Variants in MBNL2 observed in about 807,000 individuals in gnomAD.
MBNL2 encodes muscleblind-like protein 2.
MBNL2 carries 17 observed loss-of-function variants against 41.9 expected under a neutral mutation model. The ratio of observed to expected loss-of-function variants is 0.41; its 90% CI spans 0.28 to 0.61. The LOEUF is 0.61. Ranked by LOEUF, MBNL2 falls within the 20% of genes least tolerant of loss-of-function variation. The pLI is 0.35. For synonymous variants in MBNL2, 195 were observed against 182.9 expected (o/e 1.07, Z -0.53); for missense variants, 336 against 505.6 (o/e 0.66, Z 3.22).
chr13:97,210,085 C>A, the MBNL2 span, among the ~76,000 whole-genome samples: 1 of 152,174 alleles, frequency 6.6e-6, no homozygotes, highest in Non-Finnish European at 1.5e-5. Flanking sequence ...CATGAACCAC[C>A]ACACCTGGCC....
At chr13:97,232,960 A>G (rs2042609633) in intron 1 of MBNL2, among the ~76,000 whole-genome samples, 1 of 150,724 alleles carries the variant, frequency 6.6e-6, no homozygotes, top group African/African-American at 2.5e-5. Context: ...AATAGATACC[A>G]TAGGTAAAAG....
At chr13:97,359,823 A>G (rs1390440893) in intron 7 of MBNL2, among the ~76,000 whole-genome samples, 1 of 152,210 alleles carries the variant, frequency 6.6e-6, no homozygotes, top group South Asian at 2.1e-4. Context: ...GTGTTCTGAA[A>G]TGGTATTTCA....
chr13:97,282,729 T>C (rs571005208), intron 2 of MBNL2, among the ~76,000 whole-genome samples: 3 of 152,226 alleles, frequency 2.0e-5, no homozygotes, highest in Admixed American at 2.0e-4. Flanking sequence ...CTGTTCTGGG[T>C]ATATCAACCA....
chr13:97,293,227 A>G (rs1389593605), intron 2 of MBNL2, among the ~76,000 whole-genome samples: 1 of 152,110 alleles, frequency 6.6e-6, no homozygotes, highest in Non-Finnish European at 1.5e-5. Flanking sequence ...GCTGTATCTT[A>G]TAGATTTTTG....
chr13:97,367,608 T>C (rs746758341), intron 8 of MBNL2, among the ~76,000 whole-genome samples: 83 of 152,168 alleles, frequency 5.5e-4, no homozygotes, highest in Non-Finnish European at 9.7e-4. Flanking sequence ...ATTCCAGCTC[T>C]GCAGATTTCA....
At chr13:97,317,815 A>G (rs920850722) in intron 2 of MBNL2, among the ~76,000 whole-genome samples, 2 of 152,260 alleles carry the variant, frequency 1.3e-5, no homozygotes, top group African/African-American at 4.8e-5. Flanking sequence ...TGTATGATTT[A>G]TGAAACATTA....
At chr13:97,348,006 C>T (rs1480890065) in intron 5 of MBNL2, among the ~76,000 whole-genome samples, 1 of 151,892 alleles carries the variant, frequency 6.6e-6, no homozygotes, top group Non-Finnish European at 1.5e-5. Flanking sequence ...TCTGACCTGA[C>T]ATCTGTCCCT....
the MBNL2 span, among the ~76,000 whole-genome samples, chr13:97,170,432 A>G: frequency 6.6e-6 from 1 of 152,182 alleles, no homozygotes; most frequent in Non-Finnish European, 1.5e-5. Flanking sequence ...CTGTAGAGAG[A>G]GTTTAATTGA....
chr13:97,246,373 T>C (rs1349290837), intron 1 of MBNL2, among the ~76,000 whole-genome samples: 2 of 152,186 alleles, frequency 1.3e-5, no homozygotes, highest in African/African-American at 4.8e-5. Context: ...TTTGCCTTTT[T>C]ATTTCAAAAA....
intron 2 of MBNL2, among the ~76,000 whole-genome samples, chr13:97,288,165 C>A (rs187511099): frequency 6.7e-6 from 1 of 150,028 alleles, no homozygotes; most frequent in African/African-American, 2.5e-5. Flanking sequence ...AAAAAATAAA[C>A]GGGCAACTCT....
chr13:97,288,161 T>C (rs1192570254), intron 2 of MBNL2, among the ~76,000 whole-genome samples: 1 of 150,838 alleles, frequency 6.6e-6, no homozygotes, highest in Admixed American at 6.6e-5. Context: ...AAAGAAAAAA[T>C]AAACGGGCAA....
intron 8 of MBNL2, among the ~76,000 whole-genome samples, chr13:97,368,938 T>G (rs1443428838): frequency 6.6e-6 from 1 of 152,214 alleles, no homozygotes; most frequent in Non-Finnish European, 1.5e-5. Context: ...GCTTCAAGAA[T>G]CCTATATTCA....
chr13:97,221,154 G>C (rs2040823158), upstream of MBNL2, among the ~76,000 whole-genome samples: 1 of 152,288 alleles, frequency 6.6e-6, no homozygotes, highest in South Asian at 2.1e-4. Flanking sequence ...CATTACAGAT[G>C]CGCTGAACAG....
At chr13:97,310,125 C>T (rs1403458501) in intron 2 of MBNL2, among the ~76,000 whole-genome samples, 3 of 152,170 alleles carry the variant, frequency 2.0e-5, no homozygotes, top group Non-Finnish European at 4.4e-5. Flanking sequence ...AAATAACCAG[C>T]TTCTCATGCT....
chr13:97,267,170 G>A (rs1393106844), intron 1 of MBNL2, among the ~76,000 whole-genome samples: 3 of 152,202 alleles, frequency 2.0e-5, no homozygotes, highest in Admixed American at 1.3e-4. Flanking sequence ...TCTGAGAGGC[G>A]TGGAATGGAG....
At chr13:97,180,695 TG>T in the MBNL2 span, among the ~76,000 whole-genome samples, 1 of 138,056 alleles carries the variant, frequency 7.2e-6, no homozygotes, top group Non-Finnish European at 1.5e-5. Flanking sequence ...TGAGCCGAGA[TG>T]GCACCACTGC....
the MBNL2 span, among the ~76,000 whole-genome samples, chr13:97,143,276 A>T: frequency 6.6e-6 from 1 of 152,232 alleles, no homozygotes; most frequent in Non-Finnish European, 1.5e-5. Context: ...TTTATCTGTA[A>T]CCACTCCCAA....
intron 2 of MBNL2, among the ~76,000 whole-genome samples, chr13:97,285,001 T>G (rs928352053): frequency 1.3e-5 from 2 of 152,238 alleles, no homozygotes; most frequent in Admixed American, 1.3e-4. Context: ...AACCATTTAT[T>G]ATTAAGGTGT....
intron 2 of MBNL2, among the ~76,000 whole-genome samples, chr13:97,280,627 C>A (rs1438230255): frequency 6.6e-6 from 1 of 152,214 alleles, no homozygotes; most frequent in Non-Finnish European, 1.5e-5. Flanking sequence ...ACTGCAAAGG[C>A]TGCCTAGGCC....
Sources: gnomAD v4.1 joint callset for allele counts (sites outside exome capture counted in the v4.1 genomes callset) on GRCh38, gnomAD v4.1.1 for gene constraint, MANE v1.5 for transcripts, NCBI Gene and HGNC (gene_info 2026-07-23, HGNC 2026-07-21) for gene names.